Variants in SPACA7 observed in about 807,000 individuals in gnomAD.
The protein encoded by SPACA7 is sperm acrosome-associated protein 7.
SPACA7 carries 19 observed loss-of-function variants against 26.3 expected under a neutral mutation model. The ratio of observed to expected loss-of-function variants is 0.72; its 90% CI spans 0.50 to 1.06. The LOEUF is 1.06. Among genes scored for constraint, SPACA7 ranks in the 50% least tolerant of loss-of-function variants. The probability of loss-of-function intolerance (pLI) is 0.00; values close to 1 mark genes in which losing one functional copy is unlikely to be tolerated. For synonymous variants in SPACA7, 84 were observed against 84.5 expected (o/e 0.99, Z 0.04); for missense variants, 211 against 229.9 (o/e 0.92, Z 0.53).
intron 5 of SPACA7, among the ~76,000 whole-genome samples, chr13:112,407,394 A>C (rs1404638778): frequency 6.6e-6 from 1 of 152,212 alleles, no homozygotes; most frequent in Non-Finnish European, 1.5e-5. Flanking sequence ...AGATGGAGAC[A>C]CAAAAAACAC....
chr13:112,400,873 G>T (rs1187908562), intron 4 of SPACA7, among the ~76,000 whole-genome samples, 196 bp from the exon 5 acceptor site: 2 of 152,196 alleles, frequency 1.3e-5, no homozygotes, highest in African/African-American at 4.8e-5. Flanking sequence ...GTGGAGGAGT[G>T]AATATGTAGT....
At chr13:112,420,910 G>A (rs956732418) in intron 5 of SPACA7, among the ~76,000 whole-genome samples, 24 of 152,120 alleles carry the variant, frequency 1.6e-4, no homozygotes, top group African/African-American at 5.8e-4. Context: ...TAATCTAGAG[G>A]ACAGTGGAAT....
chr13:112,415,272 C>T (rs1170202399), intron 5 of SPACA7, among the ~76,000 whole-genome samples: 2 of 152,210 alleles, frequency 1.3e-5, no homozygotes, highest in Non-Finnish European at 2.9e-5. Context: ...GGGTCTCACC[C>T]AAAGTCCCAC....
chr13:112,419,294 T>C (rs1449070222), intron 5 of SPACA7, among the ~76,000 whole-genome samples: 1 of 152,164 alleles, frequency 6.6e-6, no homozygotes, highest in Non-Finnish European at 1.5e-5. Flanking sequence ...TGGGATATAA[T>C]ATGCATTTGA....
At chr13:112,418,860 A>T (rs1886849059) in intron 5 of SPACA7, among the ~76,000 whole-genome samples, 1 of 152,154 alleles carries the variant, frequency 6.6e-6, no homozygotes, top group Non-Finnish European at 1.5e-5. Context: ...ATGCTGTAAA[A>T]AAAATGTTAC....
intron 5 of SPACA7, among the ~76,000 whole-genome samples, chr13:112,417,905 C>A (rs74660012): frequency 1.3e-5 from 2 of 151,996 alleles, no homozygotes; most frequent in African/African-American, 4.8e-5. Context: ...TTTTTACTTA[C>A]TGTTATTTTG....
At chr13:112,412,318 G>A (rs1886403095) in intron 5 of SPACA7, among the ~76,000 whole-genome samples, 2 of 151,798 alleles carry the variant, frequency 1.3e-5, no homozygotes, top group Admixed American at 6.6e-5. Flanking sequence ...TTGCTACAGA[G>A]TTGTTTGAGT....
Position 112,401,115 on chromosome 13 carries a change from T to C in SPACA7, c.396T>C (p.Tyr132=), listed in dbSNP as rs1274347825. Residue 132 remains tyrosine (Y), a synonymous_variant, in exon 5 of 7, where the codon TAT becomes TAC. Transcript: ENST00000283550. ...ANLHGDPSEN[Y]RGPQVSPGSE... ...TCCATGGCGATCCTTCTGAGAATTA[T>C]CGTGGGCCACAGGTGTCTCCTGGCA... The C allele has an allele frequency of 6.2e-7, 1 of 1,614,226 alleles. No homozygotes were observed. Among genetic ancestry groups the C allele is most frequent in the East Asian group, 2.2e-5 (1 of 44,888 alleles).
In SPACA7 at chr13:112,383,112, AAAGAAAAGAAAAGAAAGAAAGAAAG is replaced by A. The variant is rs1884232907; in HGVS notation, c.94+6636_94+6660del. Among the ~76,000 whole-genome samples the A allele has an allele frequency of 4.0e-4, 3 of 7,566 alleles. No individual in the cohort carries two copies. In the South Asian group the frequency reaches 0.015, roughly 37 times the overall value. 5.0% of individuals were successfully genotyped at this position (7,566 alleles called of 152,430 possible). A position where few individuals can be genotyped will look rare whatever the true frequency, so the allele number is the denominator to read the frequency against. The stretch of plus-strand genomic sequence containing the variant: ...AAAGAAAGAAAGAAGAAAGAAAAGA[AAAGAAAAGAAAAGAAAGAAAGAAAG>A]AAAGAAAGAAAGAAAGAAAGAAAGA... On this transcript the variant is annotated intron_variant, in intron 1 of 6. Transcript: ENST00000283550.
rs1312569822 is a variant in SPACA7 at position 112,434,662 on chromosome 13, C to T, written c.*113C>T. ...CGCCCACGTTCTCTGAACCATTCCA[C>T]ATAAAGGAAAATCGTTTATTCACAC... On this transcript the variant is annotated 3_prime_UTR_variant, in exon 7 of 7. Transcript: ENST00000283550. 8.5e-6 allele frequency: 7 copies of T among 826,722 alleles called. No individual in the cohort carries two copies. In the African/African-American group the frequency reaches 8.5e-5, roughly 10 times the overall value. 51.2% of individuals were successfully genotyped at this position (826,722 alleles called of 1,614,324 possible).
At chr13:112,376,973 C>T (rs564761352) in intron 1 of SPACA7, among the ~76,000 whole-genome samples, 4 of 152,272 alleles carry the variant, frequency 2.6e-5, no homozygotes, top group Non-Finnish European at 4.4e-5. Context: ...CAGCTCATAC[C>T]GTTAAAAAAT....
At chr13:112,405,942 ATTTC>A (rs1885961474) in intron 5 of SPACA7, among the ~76,000 whole-genome samples, 1 of 152,114 alleles carries the variant, frequency 6.6e-6, no homozygotes, top group Non-Finnish European at 1.5e-5. Flanking sequence ...AGGATTGGAT[ATTTC>A]TTTCTCTGCC....
At chr13:112,408,603 T>C (rs867293975) in intron 5 of SPACA7, among the ~76,000 whole-genome samples, 1 of 151,228 alleles carries the variant, frequency 6.6e-6, no homozygotes, top group African/African-American at 2.4e-5. Context: ...AAATCATGAG[T>C]GAACTCCCAT....
At chr13:112,380,747 C>A (rs1252355408) in intron 1 of SPACA7, among the ~76,000 whole-genome samples, 5 of 152,176 alleles carry the variant, frequency 3.3e-5, no homozygotes, top group Non-Finnish European at 5.9e-5. Flanking sequence ...CATAAGCTTT[C>A]TTATCAAAAA....
chr13:112,418,856 TA>T (rs200800617), intron 5 of SPACA7, among the ~76,000 whole-genome samples: 2 of 151,712 alleles, frequency 1.3e-5, no homozygotes, highest in Middle Eastern at 3.4e-3. Context: ...TAGAATGCTG[TA>T]AAAAAAATGT....
intron 5 of SPACA7, among the ~76,000 whole-genome samples, chr13:112,405,844 G>A (rs1329203637): frequency 6.6e-6 from 1 of 152,104 alleles, no homozygotes; most frequent in Non-Finnish European, 1.5e-5. Flanking sequence ...GTTATTTGGT[G>A]CATAGATTTT....
chr13:112,403,461 T>C (rs1885774247), intron 5 of SPACA7, among the ~76,000 whole-genome samples: 2 of 152,022 alleles, frequency 1.3e-5, no homozygotes, highest in Non-Finnish European at 2.9e-5. Flanking sequence ...GGGAAACAGG[T>C]GGTGTTTGGT....
At chr13:112,429,776 T>C (rs1378535459) in intron 5 of SPACA7, among the ~76,000 whole-genome samples, 1 of 152,216 alleles carries the variant, frequency 6.6e-6, no homozygotes, top group East Asian at 1.9e-4. Context: ...TGCCAGACAT[T>C]GTGAATCTTA....
intron 1 of SPACA7, among the ~76,000 whole-genome samples, chr13:112,390,138 T>TG (rs111257489): frequency 0.042 from 6,093 of 143,548 alleles, 184 homozygotes; most frequent in African/African-American, 0.094. Context: ...GTAATGGGGG[T>TG]GGGGGGAGGA....
Sources: allele counts gnomAD v4.1 joint callset (sites outside exome capture counted in the v4.1 genomes callset), GRCh38; gene constraint gnomAD v4.1.1; transcripts MANE v1.5; gene names NCBI Gene and HGNC (gene_info 2026-07-23, HGNC 2026-07-21).